TP53BP1: variants seen among roughly 807,000 people sequenced by gnomAD.
The protein encoded by TP53BP1 is tumor protein p53 binding protein 1, also known as TP53-binding protein 1.
In TP53BP1, 61 loss-of-function variants were observed where a neutral mutation model predicts 200.8. The ratio of observed to expected loss-of-function variants is 0.30; its 90% CI spans 0.25 to 0.38. The LOEUF is 0.38. Among genes scored for constraint, TP53BP1 ranks in the 10% least tolerant of loss-of-function variants. TP53BP1 has a pLI of 1.00. For synonymous variants in TP53BP1, 822 were observed against 844.3 expected, an observed-to-expected ratio of 0.97 and a Z score of 0.46; for missense variants, 2,144 against 2,371.9, an observed-to-expected ratio of 0.90 and a Z score of 2.00.
chr15:43,459,308 GC>G lies in TP53BP1; in HGVS notation c.1390-2091del, dbSNP rs1169438165. Reference sequence around the variant, plus strand: ...GGCAAAATCACGCCACTGCACTCCAGCCTCAGCGACAGAGCGAGAGTCTGTC... The same window carrying G: ...GGCAAAATCACGCCACTGCACTCCAGCTCAGCGACAGAGCGAGAGTCTGTC... On this transcript the variant is annotated intron_variant, in intron 11 of 27. Coordinates refer to ENST00000382044, the MANE Select transcript of TP53BP1 (RefSeq NM_001141980.3). 5.3e-5 allele frequency among the ~76,000 whole-genome samples: 8 copies of G among 152,240 alleles called. No homozygotes were observed. In the South Asian group the frequency reaches 8.3e-4, roughly 16 times the overall value.
upstream of TP53BP1, among the ~76,000 whole-genome samples, chr15:43,496,221 T>C (rs1363407042): frequency 2.0e-5 from 3 of 152,216 alleles, no homozygotes; most frequent in Non-Finnish European, 4.4e-5. Flanking sequence ...TCTTCTAATA[T>C]TAATCTTCTA....
chr15:43,417,284 C>T (rs936835116), intron 21 of TP53BP1: 3 of 152,118 alleles, frequency 2.0e-5, no homozygotes, highest in African/African-American at 7.2e-5. Context: ...TTTCTTCTCA[C>T]CCATTAGCCT....
chr15:43,415,158 A>C (rs2045231202), intron 23 of TP53BP1: 1 of 242,922 alleles, frequency 4.1e-6, no homozygotes, highest in Non-Finnish European at 8.2e-6. Context: ...CCCTCCTAGA[A>C]CCCACACAGT....
chr15:43,441,571 C>G lies in TP53BP1; in HGVS notation c.3053G>C (p.Gly1018Ala). Residue 1018 changes from glycine (G) to alanine (A), a missense_variant, in exon 15 of 28, where the codon GGT (glycine) becomes GCT (alanine). Around this residue, in one of 4 missense-constraint regions of TP53BP1, gnomAD observed 1,700 missense variants for 1,710.3 expected, o/e 0.99. Transcript: ENST00000382044. ...LQFNLEKPATGERKNGSTAVA... is the reference protein window; with the variant it reads ...LQFNLEKPATAERKNGSTAVA... ...AGCAGTAGATCCATTTTTTCTTTCA[C>G]CAGTTGCAGGCTCTGAATAAAAACA... is the stretch of plus-strand genomic sequence containing the variant. The G allele has an allele frequency of 6.2e-7, 1 of 1,612,658 alleles. No homozygotes were observed. The highest frequency in any genetic ancestry group is 8.5e-7 in the Non-Finnish European group (1 of 1,178,926).
chr15:43,409,585 C>A, intron 25 of TP53BP1, 62 bp downstream of exon 25: 1 of 954,718 alleles, frequency 1.0e-6, no homozygotes, highest in South Asian at 1.9e-5. Context: ...GGCCTCTTCT[C>A]AACACAGCAA....
intron 8 of TP53BP1, among the ~76,000 whole-genome samples, chr15:43,476,284 T>A (rs1041925322): frequency 2.0e-5 from 3 of 151,860 alleles, no homozygotes; most frequent in Non-Finnish European, 4.4e-5. Context: ...AATAAATAAA[T>A]AAAATAAAAG....
chr15:43,434,988 C>T (rs1398840537), intron 16 of TP53BP1, among the ~76,000 whole-genome samples: 2 of 152,126 alleles, frequency 1.3e-5, no homozygotes, highest in African/African-American at 2.4e-5. Context: ...AGGCTGGGCA[C>T]AGTGGCTCAC....
intron 12 of TP53BP1, among the ~76,000 whole-genome samples, chr15:43,453,011 G>A (rs373028151): frequency 4.6e-5 from 7 of 151,902 alleles, no homozygotes; most frequent in East Asian, 1.9e-4. Flanking sequence ...TGGCTAACAC[G>A]GTGAAACCCC....
At chr15:43,481,746 C>T (rs765821808) in intron 4 of TP53BP1, among the ~76,000 whole-genome samples, 2 of 148,488 alleles carry the variant, frequency 1.3e-5, no homozygotes, top group East Asian at 2.0e-4. Flanking sequence ...ACCCAGGAGG[C>T]GGAGGTTGCA....
intron 15 of TP53BP1, among the ~76,000 whole-genome samples, chr15:43,440,318 T>C (rs150891591): frequency 1.9e-4 from 29 of 152,086 alleles, no homozygotes; most frequent in African/African-American, 7.0e-4. Context: ...GAGACCATCC[T>C]GGCTAACACG....
At chr15:43,509,900 C>T (rs2140194110) in intron 1 of TP53BP1, among the ~76,000 whole-genome samples, 1 of 152,122 alleles carries the variant, frequency 6.6e-6, no homozygotes, top group African/African-American at 2.4e-5. Context: ...CTGCTGGAGC[C>T]CTAGGGTGAA....
chr15:43,482,004 C>G (rs2250750), intron 4 of TP53BP1, among the ~76,000 whole-genome samples: 70,034 of 150,330 alleles, frequency 0.47, 21,207 homozygotes, highest in African/African-American at 0.87. Context: ...AAGGAGGGCG[C>G]ATCACGAGAT....
At chr15:43,426,538 A>G (rs1031797254) in intron 18 of TP53BP1, among the ~76,000 whole-genome samples, 2 of 152,050 alleles carry the variant, frequency 1.3e-5, no homozygotes, top group African/African-American at 4.8e-5. Context: ...AAAACAAACA[A>G]CAATTCCTCA....
intron 4 of TP53BP1, among the ~76,000 whole-genome samples, chr15:43,483,447 C>CA (rs1306663527): frequency 6.6e-6 from 1 of 151,784 alleles, no homozygotes; most frequent in Non-Finnish European, 1.5e-5. Context: ...ATCAAATGAA[C>CA]AAAAAAAGAG....
At chr15:43,467,778 T>C (rs1049231871) in intron 11 of TP53BP1, among the ~76,000 whole-genome samples, 4 of 151,024 alleles carry the variant, frequency 2.6e-5, no homozygotes, top group African/African-American at 9.8e-5. Context: ...TTATAGCTCA[T>C]TCTTAAACTC....
Position 43,403,615 on chromosome 15 carries a change from T to G in TP53BP1, c.*3768A>C. 1 of 1,163,236 alleles carries G rather than the reference T, an allele frequency of 8.6e-7. No homozygotes were observed. The highest frequency in any genetic ancestry group is 1.3e-6 in the Non-Finnish European group (1 of 785,602). 72.1% of individuals were successfully genotyped at this position (1,163,236 alleles called of 1,614,324 possible). On this transcript the variant is annotated 3_prime_UTR_variant, in exon 28 of 28. Transcript: ENST00000382044. ...AGATCAGCTATTAATCAGACTGTTCTCCTAACACTTTAACTTCATGGATGT... is the reference window on the plus strand; with the variant it reads ...AGATCAGCTATTAATCAGACTGTTCGCCTAACACTTTAACTTCATGGATGT...
Position 43,421,013 on chromosome 15 carries a change from C to T in TP53BP1, c.4250+12G>A, listed in dbSNP as rs763336011. 3.7e-6 allele frequency: 6 copies of T among 1,609,300 alleles called. No individual in the cohort carries two copies. The African/African-American group carries it at 6.7e-5, about 18-fold the overall frequency. On this transcript the variant is annotated intron_variant, in intron 20 of 27. Coordinates refer to ENST00000382044, the MANE Select transcript of TP53BP1 (RefSeq NM_001141980.3). ...AACAACAGACTAAGTATATCTTACA[C>T]TACCCAGGTACCTGGTTCCAGTGGT...
At chr15:43,477,128 A>G (rs1398382763) in intron 8 of TP53BP1, among the ~76,000 whole-genome samples, 1 of 151,912 alleles carries the variant, frequency 6.6e-6, no homozygotes, top group Non-Finnish European at 1.5e-5. Flanking sequence ...GTGAAACCCC[A>G]TCTCTACTAA....
intron 12 of TP53BP1, among the ~76,000 whole-genome samples, chr15:43,451,805 T>G (rs1418115663): frequency 6.6e-6 from 1 of 152,218 alleles, no homozygotes; most frequent in African/African-American, 2.4e-5. Context: ...CCACCAACAG[T>G]GTAAAAGTGA....
Sources: gnomAD v4.1 joint callset for allele counts (sites outside exome capture counted in the v4.1 genomes callset) on GRCh38, gnomAD v4.1.1 for gene constraint, gnomAD v4.1.1 regional missense constraint, MANE v1.5 for transcripts, NCBI Gene and HGNC (gene_info 2026-07-23, HGNC 2026-07-21) for gene names.